The following AIG1 variants were observed in gnomAD, a reference collection of about 807,000 sequenced individuals.
AIG1 encodes the protein androgen-induced gene 1 protein.
In AIG1, 23 loss-of-function variants were observed where a neutral mutation model predicts 31.4. That is an observed-to-expected ratio of 0.73 (90% CI 0.53 to 1.04). The LOEUF (loss-of-function observed/expected upper bound fraction) is 1.04. AIG1 is among the 50% of genes least tolerant of loss of function. AIG1 has a pLI of 0.00. For missense variants in AIG1, 274 were observed against 295.0 expected, an observed-to-expected ratio of 0.93 and a Z score of 0.52; for synonymous variants, 100 against 110.5, an observed-to-expected ratio of 0.90 and a Z score of 0.60.
intron 4 of AIG1, among the ~76,000 whole-genome samples, chr6:143,306,772 C>T (rs1429084675): frequency 6.6e-6 from 1 of 152,166 alleles, no homozygotes; most frequent in African/African-American, 2.4e-5. Flanking sequence ...GGGAAGTTCT[C>T]CTGGATAATA....
At chr6:143,203,484 GT>G (rs1227513257) in intron 3 of AIG1, among the ~76,000 whole-genome samples, 1 of 152,114 alleles carries the variant, frequency 6.6e-6, no homozygotes, top group African/African-American at 2.4e-5. Flanking sequence ...TCAGTAAAAT[GT>G]TTTAGACTGG....
chr6:143,321,947 C>T (rs1309202121), intron 4 of AIG1, among the ~76,000 whole-genome samples: 1 of 152,112 alleles, frequency 6.6e-6, no homozygotes, highest in Non-Finnish European at 1.5e-5. Flanking sequence ...ATTCACAGGT[C>T]TGACACCTTC....
At chr6:143,158,899 G>A (rs1366535143) in intron 2 of AIG1, among the ~76,000 whole-genome samples, 1 of 152,192 alleles carries the variant, frequency 6.6e-6, no homozygotes, top group Non-Finnish European at 1.5e-5. Flanking sequence ...TCACATCCAT[G>A]CTATATGCCA....
intron 1 of AIG1, among the ~76,000 whole-genome samples, chr6:143,066,596 A>G (rs1776733587): frequency 1.3e-5 from 2 of 152,186 alleles, no homozygotes; most frequent in African/African-American, 2.4e-5. Context: ...TTTTCAAAAC[A>G]TATTACAGAT....
chr6:143,342,130 G>T (rs968711735), downstream of AIG1: 1 of 485,826 alleles, frequency 2.1e-6, no homozygotes, highest in Non-Finnish European at 3.7e-6. Flanking sequence ...CTCCATGTTG[G>T]TCAGGCTGGT....
chr6:143,268,029 A>G lies in AIG1; in HGVS notation c.400-16081A>G, dbSNP rs922468153. 2.0e-5 allele frequency among the ~76,000 whole-genome samples: 3 copies of G among 152,222 alleles called. No individual in the cohort carries two copies. The highest frequency in any genetic ancestry group is 7.2e-5 in the African/African-American group (3 of 41,442). On this transcript the variant is annotated intron_variant, in intron 3 of 5. Transcript: ENST00000357847. This position sits in a 1 kb window ranked among gnomAD's most constrained non-coding sequence, Gnocchi z 5.0. Reference sequence around the variant, plus strand: ...GATTTGGCTGAACTCTGTGAGCACAATGTTGTAATACTGTTGATCTCATGC... The same window carrying G: ...GATTTGGCTGAACTCTGTGAGCACAGTGTTGTAATACTGTTGATCTCATGC...
chr6:143,298,424 A>G lies in AIG1; in HGVS notation c.515+14199A>G, dbSNP rs1179648957. On this transcript the variant is annotated intron_variant, in intron 4 of 5. Transcript: ENST00000357847. This position sits in a 1 kb window ranked among gnomAD's most constrained non-coding sequence, Gnocchi z 5.1. ...ATGTTAGAAAATGTATTATAAAGAA[A>G]TAGTTAATATGAATACAAGGTGAAA... Among the ~76,000 whole-genome samples, 2 of 152,264 alleles carry G rather than the reference A, an allele frequency of 1.3e-5. No homozygotes were observed. Among genetic ancestry groups the G allele is most frequent in the South Asian group, 2.1e-4 (1 of 4,836 alleles).
chr6:143,129,448 G>A (rs1159511565), intron 1 of AIG1, among the ~76,000 whole-genome samples: 1 of 152,204 alleles, frequency 6.6e-6, no homozygotes, highest in African/African-American at 2.4e-5. Context: ...CCAGTAGGGA[G>A]GTCTACAAAG....
intron 3 of AIG1, among the ~76,000 whole-genome samples, chr6:143,210,083 C>T (rs1791466635): frequency 6.6e-6 from 1 of 152,164 alleles, no homozygotes; most frequent in South Asian, 2.1e-4. Context: ...GGGGCAGTTA[C>T]CCTCATGCTG....
chr6:143,335,892 G>A (rs1486652519), intron 5 of AIG1, among the ~76,000 whole-genome samples: 2 of 149,620 alleles, frequency 1.3e-5, no homozygotes, highest in Non-Finnish European at 3.0e-5. Flanking sequence ...AGGTTGCAGT[G>A]AGCCAAGATC....
At chr6:143,249,236 G>A (rs1015439503) in intron 3 of AIG1, among the ~76,000 whole-genome samples, 4 of 152,194 alleles carry the variant, frequency 2.6e-5, no homozygotes, top group African/African-American at 9.7e-5. Context: ...CTTCTGTGGG[G>A]ACAAAAGGTT....
chr6:143,249,026 G>T (rs1222306676), intron 3 of AIG1, among the ~76,000 whole-genome samples: 1 of 152,202 alleles, frequency 6.6e-6, no homozygotes, highest in Non-Finnish European at 1.5e-5. Flanking sequence ...GGGGCTGTTT[G>T]TGTTAATTAA....
intron 3 of AIG1, among the ~76,000 whole-genome samples, chr6:143,207,126 G>A (rs7754866): frequency 0.3 from 45,874 of 151,802 alleles, 7,037 homozygotes; most frequent in Admixed American, 0.36. Context: ...ACACCCTCCA[G>A]ATATCTTCTT....
intron 3 of AIG1, among the ~76,000 whole-genome samples, chr6:143,264,172 C>G (rs1263891842): frequency 6.6e-6 from 1 of 152,120 alleles, no homozygotes. Flanking sequence ...CGCGTATATG[C>G]TTGGGTATTT....
At chr6:143,185,142 G>T (rs572112170) in intron 3 of AIG1, among the ~76,000 whole-genome samples, 1 of 150,904 alleles carries the variant, frequency 6.6e-6, no homozygotes, top group Admixed American at 6.6e-5. Flanking sequence ...GTTGCAGTGA[G>T]CTGAGATTGT....
chr6:143,285,267 C>G (rs1797606019), intron 4 of AIG1, among the ~76,000 whole-genome samples: 1 of 151,634 alleles, frequency 6.6e-6, no homozygotes, highest in African/African-American at 2.4e-5. Flanking sequence ...TTCAGGAAGT[C>G]ACACCCTGTG....
chr6:143,198,392 G>C (rs886932969), intron 3 of AIG1, among the ~76,000 whole-genome samples: 1 of 152,216 alleles, frequency 6.6e-6, no homozygotes, highest in Non-Finnish European at 1.5e-5. Flanking sequence ...GAATCTGACA[G>C]CTAGTAATAA....
At chr6:143,304,478 G>A (rs1799095430) in intron 4 of AIG1, among the ~76,000 whole-genome samples, 1 of 152,140 alleles carries the variant, frequency 6.6e-6, no homozygotes, top group Non-Finnish European at 1.5e-5. Context: ...CATCTATTGA[G>A]ATAATCATGT....
chr6:143,303,779 T>G (rs1399664672), intron 4 of AIG1, among the ~76,000 whole-genome samples: 19 of 146,564 alleles, frequency 1.3e-4, no homozygotes, highest in African/African-American at 4.6e-4. Context: ...ATTGGTAGCT[T>G]GATGGGGATG....
Sources: allele counts gnomAD v4.1 joint callset (sites outside exome capture counted in the v4.1 genomes callset), GRCh38; gene constraint gnomAD v4.1.1; non-coding constraint Gnocchi (gnomAD v3.1); transcripts MANE v1.5; gene names NCBI Gene and HGNC (gene_info 2026-07-23, HGNC 2026-07-21).